The following MKLN1 variants were observed in gnomAD, a reference collection of about 807,000 sequenced individuals.
MKLN1 encodes the protein muskelin 1.
In MKLN1, 18 loss-of-function variants were observed where a neutral mutation model predicts 99.0. That is an observed-to-expected ratio of 0.18 (90% CI 0.13 to 0.27). The LOEUF (loss-of-function observed/expected upper bound fraction) is 0.27. MKLN1 is among the 10% of genes least tolerant of loss of function. The pLI, the probability that MKLN1 is intolerant of heterozygous loss-of-function variation, is 1.00. For missense variants in MKLN1, 621 were observed against 875.9 expected, an observed-to-expected ratio of 0.71 and a Z score of 3.67; for synonymous variants, 288 against 293.2, an observed-to-expected ratio of 0.98 and a Z score of 0.18.
intron 3 of MKLN1, among the ~76,000 whole-genome samples, chr7:131,267,582 C>T (rs571251428): frequency 1.3e-5 from 2 of 152,248 alleles, no homozygotes; most frequent in South Asian, 4.1e-4. Flanking sequence ...TTTGGTGGGA[C>T]ATCTTTAGAG....
intron 17 of MKLN1, among the ~76,000 whole-genome samples, chr7:131,482,955 A>G (rs1192925051): frequency 6.6e-6 from 1 of 152,250 alleles, no homozygotes; most frequent in Admixed American, 6.5e-5. Flanking sequence ...TTGCCCAGGC[A>G]TAGTGCTAGT....
chr7:131,444,182 C>G (rs1317236296), intron 11 of MKLN1, among the ~76,000 whole-genome samples: 1 of 152,004 alleles, frequency 6.6e-6, no homozygotes, highest in East Asian at 2.0e-4. Flanking sequence ...AAACCCCATC[C>G]CCAGTAAAAA....
chr7:131,340,820 T>C (rs967567694), intron 1 of MKLN1, among the ~76,000 whole-genome samples: 1 of 152,218 alleles, frequency 6.6e-6, no homozygotes, highest in African/African-American at 2.4e-5. Flanking sequence ...GTCACATTAG[T>C]GTTTTAAGTC....
chr7:131,121,203 C>T (rs1795363164), intron 1 of MKLN1, among the ~76,000 whole-genome samples: 1 of 152,162 alleles, frequency 6.6e-6, no homozygotes, highest in South Asian at 2.1e-4. Flanking sequence ...TGAGAACTCA[C>T]TCACTATCAC....
At chr7:131,156,462 A>AG (rs1458983116) in intron 2 of MKLN1, among the ~76,000 whole-genome samples, 1 of 150,926 alleles carries the variant, frequency 6.6e-6, no homozygotes, top group Middle Eastern at 3.2e-3. Flanking sequence ...AAAAAAAAAA[A>AG]AAAAAAAAGA....
intron 2 of MKLN1, among the ~76,000 whole-genome samples, chr7:131,186,463 G>A (rs758934893): frequency 4.6e-5 from 7 of 152,128 alleles, no homozygotes; most frequent in Non-Finnish European, 5.9e-5. Flanking sequence ...AACCATGATC[G>A]TGCCACTGCC....
At chr7:131,226,248 G>C (rs1374152830) in intron 3 of MKLN1, among the ~76,000 whole-genome samples, 1 of 152,158 alleles carries the variant, frequency 6.6e-6, no homozygotes, top group Non-Finnish European at 1.5e-5. Context: ...AATTGCCTCT[G>C]GTTAAAGTTT....
At chr7:131,228,743 A>G (rs1797195119) in intron 3 of MKLN1, among the ~76,000 whole-genome samples, 1 of 152,254 alleles carries the variant, frequency 6.6e-6, no homozygotes, top group South Asian at 2.1e-4. Context: ...CATAAGTCTT[A>G]TCAATCAATT....
chr7:131,470,929 A>C lies in MKLN1; in HGVS notation c.2016A>C (p.Pro672=), dbSNP rs1796802908. Residue 672 remains proline (P), a synonymous_variant, in exon 16 of 18, where the codon CCA becomes CCC. Transcript: ENST00000352689. The stretch of plus-strand genomic sequence containing the variant: ...ATATAACTGTGGATCATTCAGACCC[A>C]GAAGAGACAAAAGAGGTAAAGAAAG... ...DLYITVDHSD[P]EETKEFQLLA... 6.2e-7 allele frequency: 1 copy of C among 1,605,836 alleles called. No individual in the cohort carries two copies. Among genetic ancestry groups the C allele is most frequent in the Non-Finnish European group, 8.5e-7 (1 of 1,173,820 alleles).
At chr7:131,201,096 T>C (rs368454236) in intron 2 of MKLN1, among the ~76,000 whole-genome samples, 14 of 152,318 alleles carry the variant, frequency 9.2e-5, no homozygotes, top group African/African-American at 3.1e-4. Flanking sequence ...CTCAGCTCAC[T>C]GCAACCTTCG....
At chr7:131,226,644 G>T (rs551742988) in intron 3 of MKLN1, among the ~76,000 whole-genome samples, 1 of 152,282 alleles carries the variant, frequency 6.6e-6, no homozygotes, top group Admixed American at 6.5e-5. Context: ...GCAGGGGATT[G>T]TATTTGTTGT....
intron 2 of MKLN1, among the ~76,000 whole-genome samples, chr7:131,180,436 C>T (rs898612276): frequency 2.0e-5 from 3 of 152,156 alleles, no homozygotes; most frequent in Non-Finnish European, 2.9e-5. Context: ...CAGTGGCTCA[C>T]GCCTGTAATC....
intron 1 of MKLN1, among the ~76,000 whole-genome samples, chr7:131,123,123 G>A (rs1434856453): frequency 2.0e-5 from 3 of 151,692 alleles, no homozygotes; most frequent in African/African-American, 7.3e-5. Flanking sequence ...AGAACGTGGA[G>A]CTCTTCTACA....
chr7:131,450,067 C>T (rs1187752957), intron 12 of MKLN1, among the ~76,000 whole-genome samples: 1 of 152,072 alleles, frequency 6.6e-6, no homozygotes, highest in African/African-American at 2.4e-5. Context: ...CCAATTTTGC[C>T]TCATCTTCTC....
chr7:131,373,475 G>A (rs536334454), intron 1 of MKLN1, among the ~76,000 whole-genome samples: 1 of 152,150 alleles, frequency 6.6e-6, no homozygotes, highest in African/African-American at 2.4e-5. Context: ...TGTGGAACAT[G>A]TGTGTAAAGG....
At chr7:131,113,078 A>G (rs1056816448) in intron 1 of MKLN1, among the ~76,000 whole-genome samples, 2 of 152,234 alleles carry the variant, frequency 1.3e-5, no homozygotes, top group Non-Finnish European at 2.9e-5. Context: ...TTATAGTATC[A>G]TGAGAACAAA....
intron 3 of MKLN1, among the ~76,000 whole-genome samples, chr7:131,388,333 G>T (rs1426752826): frequency 6.6e-6 from 1 of 152,176 alleles, no homozygotes; most frequent in Non-Finnish European, 1.5e-5. Context: ...CATTGTGTCA[G>T]TCCTAGTTGT....
intron 3 of MKLN1, among the ~76,000 whole-genome samples, chr7:131,271,315 T>C (rs1451559258): frequency 6.6e-6 from 1 of 152,108 alleles, no homozygotes; most frequent in Non-Finnish European, 1.5e-5. Context: ...ATGAGATGGC[T>C]ACTTAACAAT....
chr7:131,481,225 G>T (rs574281539), intron 17 of MKLN1, among the ~76,000 whole-genome samples: 23 of 152,186 alleles, frequency 1.5e-4, no homozygotes, highest in Non-Finnish European at 3.1e-4. Flanking sequence ...TCTTTTAAAA[G>T]TGATCTTGAG....
Sources: allele counts gnomAD v4.1 joint callset (sites outside exome capture counted in the v4.1 genomes callset), GRCh38; gene constraint gnomAD v4.1.1; transcripts MANE v1.5; gene names NCBI Gene and HGNC (gene_info 2026-07-23, HGNC 2026-07-21).